Variants in PAICS observed in about 807,000 individuals in gnomAD.
The protein encoded by PAICS is phosphoribosylaminoimidazole carboxylase and phosphoribosylaminoimidazolesuccinocarboxamide synthase, also known as bifunctional phosphoribosylaminoimidazole carboxylase/phosphoribosylaminoimidazole succinocarboxamide synthetase.
PAICS carries 33 observed loss-of-function variants against 53.7 expected under a neutral mutation model. The observed-to-expected ratio is 0.61, with a 90% CI of 0.47 to 0.82. PAICS has a LOEUF of 0.82. Among genes scored for constraint, PAICS ranks in the 40% least tolerant of loss-of-function variants. The pLI, the probability that PAICS is intolerant of heterozygous loss-of-function variation, is 0.00. For synonymous variants in PAICS, 141 were observed against 167.2 expected, an observed-to-expected ratio of 0.84 and a Z score of 1.21; for missense variants, 394 against 494.1, an observed-to-expected ratio of 0.80 and a Z score of 1.92.
chr4:56,445,073 C>T (rs1342593532), intron 2 of PAICS, among the ~76,000 whole-genome samples: 1 of 151,930 alleles, frequency 6.6e-6, no homozygotes, highest in Non-Finnish European at 1.5e-5. Flanking sequence ...TTTTACTTCC[C>T]CTCTTTTCAT....
rs536602911 is a variant in PAICS, at chr4:56,445,326, G to A, written c.215-1369G>A. On this transcript the variant is annotated intron_variant, in intron 2 of 8. Coordinates refer to ENST00000512576, the MANE Select transcript of PAICS (RefSeq NM_001079524.2). Reference sequence around the variant, plus strand: ...TAATACCTACTTCAAGGCCAGGCGCGGTGGCTCACACCTGTAATCCCAGCA... The same window carrying A: ...TAATACCTACTTCAAGGCCAGGCGCAGTGGCTCACACCTGTAATCCCAGCA... 3.3e-4 allele frequency among the ~76,000 whole-genome samples: 50 copies of A among 152,138 alleles called. No homozygotes were observed. In the South Asian group the frequency reaches 4.8e-3, roughly 15 times the overall value.
chr4:56,427,654 A>G, the PAICS span, among the ~76,000 whole-genome samples: 1 of 151,802 alleles, frequency 6.6e-6, no homozygotes, highest in East Asian at 1.9e-4. Context: ...AAAAAAAAAA[A>G]AAAAAATTCA....
rs1450531903 is a variant in PAICS at position 56,441,878 on chromosome 4, A to T, written c.214+18A>T. 2 of 1,538,458 alleles carry T rather than the reference A, an allele frequency of 1.3e-6. No homozygotes were observed. Among genetic ancestry groups the T allele is most frequent in the African/African-American group, 1.4e-5 (1 of 73,078 alleles). ...GGAAGCAGGTAAGCAGCTCCCTCAA[A>T]GTCTCTTCTCTCACCTTCTCTGGTA... On this transcript the variant is annotated intron_variant, in intron 2 of 8. Coordinates refer to ENST00000512576, the MANE Select transcript of PAICS (RefSeq NM_001079524.2).
the PAICS span, among the ~76,000 whole-genome samples, chr4:56,415,978 G>A: frequency 6.6e-6 from 1 of 151,816 alleles, no homozygotes; most frequent in Admixed American, 6.6e-5. Flanking sequence ...GCTGAGGCAG[G>A]AGAATTGCTT....
At chr4:56,436,212 C>T (rs1717937129), upstream of PAICS, 3 of 1,533,378 alleles carry the variant, frequency 2.0e-6, no homozygotes, top group Non-Finnish European at 2.6e-6. Flanking sequence ...TCGCGCGGCC[C>T]CGCCTCCTTC....
intron 1 of PAICS, among the ~76,000 whole-genome samples, chr4:56,437,046 T>C (rs542492832): frequency 1.3e-5 from 2 of 152,050 alleles, no homozygotes; most frequent in Admixed American, 6.6e-5. Context: ...TAAGTAGTCT[T>C]TGATGCCATG....
the PAICS span, among the ~76,000 whole-genome samples, chr4:56,427,214 C>A: frequency 0.013 from 1,972 of 152,184 alleles, 49 homozygotes; most frequent in African/African-American, 0.045. Context: ...TGCTTGAGTC[C>A]CTGCTTTCAA....
In PAICS at chr4:56,460,755, G is replaced by C. The variant is rs967875464; in HGVS notation, c.*1217G>C. 1 of 152,308 alleles carries C rather than the reference G, an allele frequency of 6.6e-6. No homozygotes were observed. Among genetic ancestry groups the C allele is most frequent in the African/African-American group, 2.4e-5 (1 of 41,446 alleles). The allele number at this position is 152,308 out of a possible 1,614,324, so 9.4% of individuals were successfully genotyped here. On this transcript the variant is annotated 3_prime_UTR_variant, in exon 9 of 9. Transcript: ENST00000512576. The stretch of plus-strand genomic sequence containing the variant: ...GGAGGCTGAAGCAAGCAGATCACTT[G>C]AGGTCAGGAGTTTGAGACCAGCCTG...
At chr4:56,442,068 A>T in intron 2 of PAICS, 1 of 473,858 alleles carries the variant, frequency 2.1e-6, no homozygotes, top group Non-Finnish European at 3.8e-6. Context: ...AAGGAATCTT[A>T]ACAAGTTTGC....
chr4:56,425,805 A>T, the PAICS span, among the ~76,000 whole-genome samples: 2 of 152,198 alleles, frequency 1.3e-5, no homozygotes, highest in South Asian at 4.1e-4. Context: ...TCCATCTTGC[A>T]GCCAATGACT....
chr4:56,422,482 C>CATGT, the PAICS span: 5 of 138,564 alleles, frequency 3.6e-5, no homozygotes, highest in African/African-American at 1.4e-4. Flanking sequence ...TTTTTTTGTA[C>CATGT]GTGTGTGTGT....
At chr4:56,447,012 T>G (rs1718655762) in intron 3 of PAICS, 139 bp downstream of exon 3, 1 of 462,176 alleles carries the variant, frequency 2.2e-6, no homozygotes, top group African/African-American at 2.0e-5. Context: ...ATTTGTCTTA[T>G]CTAGTTGCCA....
chr4:56,435,949 C>A (rs962460134), upstream of PAICS: 3 of 1,504,232 alleles, frequency 2.0e-6, no homozygotes, highest in African/African-American at 4.1e-5. Flanking sequence ...ACTTCTGAGT[C>A]GCTCCCGCAG....
At position 56,448,335 on chromosome 4, in the gene PAICS, C is replaced by G. The variant is rs1718724626; in HGVS notation, c.394-83C>G. On this transcript the variant is annotated intron_variant, in intron 3 of 8. Transcript: ENST00000512576. ...TAAAAATTTCTAAGGAGTTCATGCT[C>G]AAGGTGAAAAGGATGTTGGTTTTTC... 8 of 981,876 alleles carry G rather than the reference C, an allele frequency of 8.1e-6. 1 individual carries two copies. Among genetic ancestry groups the G allele is most frequent in the South Asian group, 4.1e-5 (2 of 48,356 alleles). 60.8% of individuals were successfully genotyped at this position (981,876 alleles called of 1,614,324 possible).
the PAICS span, among the ~76,000 whole-genome samples, chr4:56,428,129 A>G: frequency 6.6e-6 from 1 of 152,224 alleles, no homozygotes; most frequent in South Asian, 2.1e-4. Context: ...TTTGACTCAT[A>G]TTGAAGTTAT....
chr4:56,418,667 C>CA, the PAICS span, among the ~76,000 whole-genome samples: 6 of 151,270 alleles, frequency 4.0e-5, no homozygotes, highest in Non-Finnish European at 5.9e-5. Context: ...AACCCTGTCT[C>CA]AAAAAAAACA....
upstream of PAICS, chr4:56,435,245 G>A (rs1366111203): frequency 3.3e-5 from 50 of 1,525,428 alleles, no homozygotes; most frequent in Admixed American, 1.1e-4. Context: ...AGGTCGGAGA[G>A]GTCGGTCCTC....
the PAICS span, among the ~76,000 whole-genome samples, chr4:56,412,309 CTTTT>C: frequency 1.4e-5 from 2 of 142,136 alleles, no homozygotes; most frequent in Admixed American, 7.1e-5. Context: ...CTCCCATCAC[CTTTT>C]TTTTTTTTTT....
At chr4:56,435,376 A>G (rs779046474), upstream of PAICS, 18 of 1,613,326 alleles carry the variant, frequency 1.1e-5, no homozygotes, top group African/African-American at 2.7e-5. Context: ...CGAGTCCCAG[A>G]GTGATCACAT....
Sources: gnomAD v4.1 joint callset for allele counts (sites outside exome capture counted in the v4.1 genomes callset) on GRCh38, gnomAD v4.1.1 for gene constraint, MANE v1.5 for transcripts, NCBI Gene and HGNC (gene_info 2026-07-23, HGNC 2026-07-21) for gene names.